The following MAST4 variants were observed in gnomAD, a reference collection of about 807,000 sequenced individuals.
The protein encoded by MAST4 is microtubule associated serine/threonine kinase family member 4, also known as microtubule-associated serine/threonine-protein kinase 4.
In MAST4, 89 loss-of-function variants were observed where a neutral mutation model predicts 162.7. The ratio of observed to expected loss-of-function variants is 0.55; its 90% CI spans 0.46 to 0.65. MAST4 has a LOEUF of 0.65. Among genes scored for constraint, MAST4 ranks in the 30% least tolerant of loss-of-function variants. The pLI, the probability that MAST4 is intolerant of heterozygous loss-of-function variation, is 0.00. For synonymous variants in MAST4, 1,479 were observed against 1,361.1 expected (o/e 1.09, Z -1.91); for missense variants, 3,153 against 3,374.0 (o/e 0.93, Z 1.62).
At chr5:66,911,225 G>C (rs1314807241) in intron 4 of MAST4, among the ~76,000 whole-genome samples, 4 of 152,058 alleles carry the variant, frequency 2.6e-5, no homozygotes, top group Admixed American at 6.5e-5. Context: ...CATAACTTTT[G>C]ACCAGCACCG....
At chr5:66,932,102 T>A (rs1742253049) in intron 4 of MAST4, among the ~76,000 whole-genome samples, 1 of 152,216 alleles carries the variant, frequency 6.6e-6, no homozygotes, top group Non-Finnish European at 1.5e-5. Flanking sequence ...TTTTTATAGA[T>A]AATCTGTTTG....
At chr5:66,879,276 C>A (rs1483672451) in intron 3 of MAST4, among the ~76,000 whole-genome samples, 3 of 24,684 alleles carry the variant, frequency 1.2e-4, no homozygotes, top group Non-Finnish European at 1.9e-4. Flanking sequence ...AAGACTCCGT[C>A]TCAAAAAAAA....
chr5:67,059,899 A>G (rs1194706718), intron 5 of MAST4, among the ~76,000 whole-genome samples: 1 of 152,118 alleles, frequency 6.6e-6, no homozygotes, highest in Non-Finnish European at 1.5e-5. Context: ...GGGTAGGCAC[A>G]TGGGGTTTGG....
At chr5:67,089,999 A>G (rs1193169699) in intron 5 of MAST4, among the ~76,000 whole-genome samples, 163 bp from the exon 6 acceptor site, 1 of 149,370 alleles carries the variant, frequency 6.7e-6, no homozygotes, top group Non-Finnish European at 1.5e-5. Flanking sequence ...TCTCCTCCCC[A>G]CCGCCCACCC....
chr5:66,683,606 A>G (rs1580186503), intron 1 of MAST4, among the ~76,000 whole-genome samples: 1 of 152,166 alleles, frequency 6.6e-6, no homozygotes, highest in Admixed American at 6.5e-5. Context: ...TCATGCTGGC[A>G]TTTCTGGGGC....
At chr5:66,698,347 C>T (rs1421335915) in intron 1 of MAST4, among the ~76,000 whole-genome samples, 1 of 151,942 alleles carries the variant, frequency 6.6e-6, no homozygotes, top group Non-Finnish European at 1.5e-5. Context: ...CTACTCTCAG[C>T]TGTCTTACCC....
At chr5:67,026,258 A>C (rs1256721891) in intron 4 of MAST4, among the ~76,000 whole-genome samples, 1 of 152,196 alleles carries the variant, frequency 6.6e-6, no homozygotes, top group Non-Finnish European at 1.5e-5. Context: ...TCGATGCTAC[A>C]TTTTAGAGGG....
intron 4 of MAST4, among the ~76,000 whole-genome samples, chr5:67,052,502 AGTGT>A (rs762054158): frequency 1.1e-4 from 17 of 152,134 alleles, no homozygotes; most frequent in Non-Finnish European, 2.4e-4. Context: ...CTATTGTGGT[AGTGT>A]ATGTACCTTA....
intron 9 of MAST4, 43 bp downstream of exon 9, chr5:67,102,654 G>A (rs370619053): frequency 2.7e-6 from 4 of 1,479,788 alleles, no homozygotes; most frequent in Admixed American, 1.7e-5. Flanking sequence ...AAACGAACAG[G>A]CACCATAGGT....
At chr5:66,728,688 G>T (rs2149550664) in intron 1 of MAST4, among the ~76,000 whole-genome samples, 1 of 152,272 alleles carries the variant, frequency 6.6e-6, no homozygotes, top group African/African-American at 2.4e-5. Flanking sequence ...ACAAACAAAG[G>T]ACACCTTCAC....
chr5:67,045,224 C>A (rs1031567268), intron 4 of MAST4, among the ~76,000 whole-genome samples: 1 of 152,150 alleles, frequency 6.6e-6, no homozygotes, highest in South Asian at 2.1e-4. Context: ...AAAATATAAT[C>A]CTTGTTATCA....
chr5:66,678,636 C>A lies in MAST4; in HGVS notation c.364-81073C>A, dbSNP rs191118907. 6.9e-4 allele frequency among the ~76,000 whole-genome samples: 103 copies of A among 149,276 alleles called. No individual in the cohort carries two copies. The Middle Eastern group carries it at 0.011, about 16-fold the overall frequency. ...CAACCTGCCAAGTAGCTGGGACTAC[C>A]GGTGCACGCCACCACACTCAGCTAA... is the stretch of plus-strand genomic sequence containing the variant. On this transcript the variant is annotated intron_variant, in intron 1 of 28. Coordinates refer to ENST00000403625, the MANE Select transcript of MAST4 (RefSeq NM_001164664.2).
At chr5:67,146,092 TCTCTGGGTAATTGGAGTAAGAAA>T (rs1416657393) in intron 23 of MAST4, among the ~76,000 whole-genome samples, 7 of 152,230 alleles carry the variant, frequency 4.6e-5, no homozygotes, top group East Asian at 1.9e-4. Context: ...ACCTTCCCCA[TCTCTGGGTAATTGGAGTAAGAAA>T]CTCTGGGTAA....
At chr5:66,838,121 A>G (rs2149780663) in intron 3 of MAST4, among the ~76,000 whole-genome samples, 2 of 151,832 alleles carry the variant, frequency 1.3e-5, no homozygotes, top group East Asian at 3.9e-4. Flanking sequence ...GTGCAGTTTT[A>G]TGTTTTTAAA....
chr5:66,865,272 A>G (rs1389829587), intron 3 of MAST4, among the ~76,000 whole-genome samples: 3 of 152,248 alleles, frequency 2.0e-5, no homozygotes, highest in Non-Finnish European at 4.4e-5. Context: ...TATGGTGACC[A>G]TCACACTCTA....
chr5:66,963,992 T>G (rs1309172836), intron 4 of MAST4: 1 of 697,090 alleles, frequency 1.4e-6, no homozygotes, highest in Admixed American at 2.0e-5. Context: ...CTTGACTCAT[T>G]GTTCAATGTG....
intron 5 of MAST4, among the ~76,000 whole-genome samples, chr5:67,078,835 T>A (rs1208502339): frequency 8.2e-6 from 1 of 121,608 alleles, no homozygotes; most frequent in African/African-American, 3.3e-5. Context: ...TATATTTATA[T>A]ATTTAAATAT....
intron 1 of MAST4, among the ~76,000 whole-genome samples, chr5:66,739,791 AT>A (rs1752377589): frequency 6.7e-6 from 1 of 148,698 alleles, no homozygotes. Flanking sequence ...TCAGCTAAGC[AT>A]TTTTGTACAT....
rs180825851 is a variant in MAST4, at chr5:67,066,102, G to A, written c.763+11610G>A. ...AAAACAGTCATATAGTTTTAGGGGG[G>A]AGAGATGAATTTTGCTTGAAAAAAA... On this transcript the variant is annotated intron_variant, in intron 5 of 28. Coordinates refer to ENST00000403625, the MANE Select transcript of MAST4 (RefSeq NM_001164664.2). Among the ~76,000 whole-genome samples the A allele has an allele frequency of 3.1e-3, 471 of 152,030 alleles. 4 individuals are homozygous for A. Among genetic ancestry groups the A allele is most frequent in the African/African-American group, 0.011 (452 of 41,478 alleles).
Sources: allele counts gnomAD v4.1 joint callset (sites outside exome capture counted in the v4.1 genomes callset), GRCh38; gene constraint gnomAD v4.1.1; transcripts MANE v1.5; gene names NCBI Gene and HGNC (gene_info 2026-07-23, HGNC 2026-07-21).